Variants in DBN1 observed in about 807,000 individuals in gnomAD.
DBN1 encodes the protein drebrin.
A neutral mutation model predicts 83.5 loss-of-function variants in DBN1; 21 were observed. That is an observed-to-expected ratio of 0.25 (90% CI 0.18 to 0.36). The LOEUF (loss-of-function observed/expected upper bound fraction) is 0.36, where lower values mean the gene tolerates loss of function less well. Ranked by LOEUF, DBN1 falls within the 10% of genes least tolerant of loss-of-function variation. The pLI, the probability that DBN1 is intolerant of heterozygous loss-of-function variation, is 1.00. For missense variants in DBN1, 874 were observed against 935.7 expected (o/e 0.93, Z 0.86); for synonymous variants, 381 against 384.9 (o/e 0.99, Z 0.12).
chr5:177,464,891 A>C (rs1581727066), intron 8 of DBN1, among the ~76,000 whole-genome samples: 1 of 152,056 alleles, frequency 6.6e-6, no homozygotes, highest in Non-Finnish European at 1.5e-5. Flanking sequence ...GCAGTGGCTC[A>C]CGCCTGTAAT....
rs59829467 is a variant in DBN1 at position 177,466,448 on chromosome 5, C to CA, written c.771+323dup. ...CGCCTGCCTCACTCCTGTGGCCCCT[C>CA]AGAGTGCAGAACAGTGTCTAATCGC... is the stretch of plus-strand genomic sequence containing the variant. On this transcript the variant is annotated intron_variant, in intron 8 of 14. Coordinates refer to ENST00000393565, the MANE Select transcript of DBN1 (RefSeq NM_001363541.2). This position sits in a 1 kb window ranked among gnomAD's most constrained non-coding sequence, Gnocchi z 4.8. Among the ~76,000 whole-genome samples, 2,157 of 152,324 alleles carry CA rather than the reference C, an allele frequency of 0.014. 49 individuals carry two copies. The highest frequency in any genetic ancestry group is 0.05 in the African/African-American group (2,061 of 41,568).
chr5:177,472,206 G>A (rs1050837883), intron 1 of DBN1: 4 of 1,613,750 alleles, frequency 2.5e-6, no homozygotes, highest in Middle Eastern at 3.3e-4. Context: ...TGGATGCCCA[G>A]CCATCTCATC....
chr5:177,466,895 G>A lies in DBN1; in HGVS notation c.707+16C>T, dbSNP rs373629338. On this transcript the variant is annotated intron_variant, in intron 7 of 14. Coordinates refer to ENST00000393565, the MANE Select transcript of DBN1 (RefSeq NM_001363541.2). The surrounding 1 kb of genome is among the most constrained non-coding windows in gnomAD (Gnocchi z 4.8). ...CGCCCGGGGGCCCCTGGAGCGCTCC[G>A]GGCGGGCAGGCTCACCTGTGCTCCT... The A allele has an allele frequency of 7.8e-5, 126 of 1,613,100 alleles. No individual in the cohort carries two copies. Among genetic ancestry groups the A allele is most frequent in the Non-Finnish European group, 9.6e-5 (113 of 1,179,754 alleles).
At position 177,457,667 on chromosome 5, in the gene DBN1, T is replaced by A. The variant is rs761764159; in HGVS notation, c.2005A>T (p.Asn669Tyr). 21 of 1,601,942 alleles carry A rather than the reference T, an allele frequency of 1.3e-5. No individual in the cohort carries two copies. The highest frequency in any genetic ancestry group is 1.8e-5 in the Non-Finnish European group (21 of 1,169,964). ...AGCCCAGTACTACCTGGAGGCTTGTTGTAGAACACAGGAGGCGGAGCCTTG... is the reference window on the plus strand; with the variant it reads ...AGCCCAGTACTACCTGGAGGCTTGTAGTAGAACACAGGAGGCGGAGCCTTG... ...CAKAPPPVFYNKPPEIDITCW... is the reference protein window; with the variant it reads ...CAKAPPPVFYYKPPEIDITCW... The change falls in exon 14 of 15, where the codon AAC (asparagine) becomes TAC (tyrosine). Residue 669 changes from asparagine (N) to tyrosine (Y), a missense_variant. Coordinates refer to ENST00000393565, the MANE Select transcript of DBN1 (RefSeq NM_001363541.2).
At chr5:177,471,011 CT>C (rs1479995525) in intron 1 of DBN1, among the ~76,000 whole-genome samples, 2 of 152,216 alleles carry the variant, frequency 1.3e-5, no homozygotes, top group African/African-American at 4.8e-5. Context: ...TCTCTGGGTC[CT>C]GGGGTCCAGC....
At chr5:177,469,650 C>G (rs559355216) in intron 1 of DBN1, among the ~76,000 whole-genome samples, 15 of 152,332 alleles carry the variant, frequency 9.8e-5, no homozygotes, top group African/African-American at 3.6e-4. Context: ...TAACAGAAAG[C>G]TGACCTGGTG....
intron 2 of DBN1, chr5:177,468,478 C>A (rs1479955939): frequency 3.6e-6 from 2 of 553,704 alleles, no homozygotes; most frequent in Non-Finnish European, 6.4e-6. Flanking sequence ...ACACTCAGGT[C>A]TCATTCTTCA....
Position 177,467,274 on chromosome 5 carries a change from T to C in DBN1, c.536A>G (p.Gln179Arg), listed in dbSNP as rs1322008021. The C allele has an allele frequency of 2.8e-5, 46 of 1,614,142 alleles. No individual in the cohort carries two copies. The highest frequency in any genetic ancestry group is 3.6e-5 in the Non-Finnish European group (43 of 1,179,988). Residue 179 changes from glutamine to arginine, a missense_variant, in exon 6 of 15, where the codon CAG (glutamine) becomes CGG (arginine). By Grantham distance (43) the Gln-to-Arg change is conservative. Transcript: ENST00000393565. This position sits in a 1 kb window ranked among gnomAD's most constrained non-coding sequence, Gnocchi z 9.1. ...AVEMKRINRE[Q>R]FWEQAKKEEE... is the part of the protein sequence containing the mutation. ...CCATACCTTGGCCTGCTCCCAGAAC[T>C]GCTCTCGGTTAATCCGCTTCATTTC...
At chr5:177,465,252 AAAG>A (rs1377749772) in intron 8 of DBN1, among the ~76,000 whole-genome samples, 7 of 152,262 alleles carry the variant, frequency 4.6e-5, no homozygotes, top group African/African-American at 9.6e-5. Flanking sequence ...CAGCCTTCAA[AAAG>A]AAGGAAATTC....
At chr5:177,463,186 G>A (rs914046502) in intron 8 of DBN1, among the ~76,000 whole-genome samples, 10 of 152,088 alleles carry the variant, frequency 6.6e-5, no homozygotes, top group African/African-American at 1.2e-4. Context: ...ACAGGCGCCC[G>A]CCACCACGCT....
Position 177,459,128 on chromosome 5 carries a change from G to A in DBN1, c.1234C>T (p.Pro412Ser), listed in dbSNP as rs751259597. ...LDEVTSSQPP[P>S]LPPPPPPAQE... ...GCTGGTGGGGGTGGCGGTGGCAGTGGTGGAGGCTGCGAGGAGGTGACCTCA... is the reference window on the plus strand; with the variant it reads ...GCTGGTGGGGGTGGCGGTGGCAGTGATGGAGGCTGCGAGGAGGTGACCTCA... The change falls in exon 12 of 15, where the codon CCA becomes TCA. Residue 412 changes from proline (P) to serine (S), a missense_variant. Around this residue, in one of 4 missense-constraint regions of DBN1, gnomAD observed 725 missense variants for 719.7 expected, o/e 1.01. Coordinates refer to ENST00000393565, the MANE Select transcript of DBN1 (RefSeq NM_001363541.2). The A allele has an allele frequency of 6.2e-7, 1 of 1,611,134 alleles. No individual in the cohort carries two copies. Among genetic ancestry groups the A allele is most frequent in the Non-Finnish European group, 8.5e-7 (1 of 1,178,770 alleles).
rs1391794171 is a variant in DBN1 at position 177,467,528 on chromosome 5, C to A, written c.430G>T (p.Val144Leu). 2.5e-6 allele frequency: 4 copies of A among 1,570,690 alleles called. No homozygotes were observed. Among genetic ancestry groups the A allele is most frequent in the Non-Finnish European group, 3.5e-6 (4 of 1,158,018 alleles). The change falls in exon 5 of 15, where the codon GTG becomes TTG. Residue 144 changes from valine (V) to leucine (L), a missense_variant. Physicochemically the swap from Val to Leu is conservative, Grantham distance 32. Transcript: ENST00000393565. This position sits in a 1 kb window ranked among gnomAD's most constrained non-coding sequence, Gnocchi z 9.1. ...SNGLARLSSP[V>L]LHRLRLREDE... ...TCTCGCAGCCGCAGTCGGTGCAGCA[C>A]AGGGCTGGAGAGTCGCGCCAGCCCG...
rs749173170 is a variant in DBN1 at position 177,459,150 on chromosome 5, C to T, written c.1212G>A (p.Glu404=). 8.1e-6 allele frequency: 13 copies of T among 1,611,082 alleles called. No individual in the cohort carries two copies. The highest frequency in any genetic ancestry group is 8.0e-5 in the African/African-American group (6 of 74,768). Residue 404 remains glutamate, a synonymous_variant, in exon 12 of 15, where the codon GAG becomes GAA. Transcript: ENST00000393565. The stretch of plus-strand genomic sequence containing the variant: ...GTGGTGGAGGCTGCGAGGAGGTGAC[C>T]TCATCCAGGGCCCGCTCTATCTGCT... ...VAEQIERALD[E]VTSSQPPPLP...
rs550864899 is a variant in DBN1 at position 177,467,670 on chromosome 5, C to G, written c.331-43G>C. 7.7e-6 allele frequency: 12 copies of G among 1,560,082 alleles called. No individual in the cohort carries two copies. Among genetic ancestry groups the G allele is most frequent in the African/African-American group, 1.4e-5 (1 of 73,712 alleles). On this transcript the variant is annotated intron_variant, in intron 4 of 14. Coordinates refer to ENST00000393565, the MANE Select transcript of DBN1 (RefSeq NM_001363541.2). The surrounding 1 kb of genome is among the most constrained non-coding windows in gnomAD (Gnocchi z 9.1). ...CAGTGCTCAGGCGGCACCATCCTCC[C>G]GCCATCCCCACCCCAGCACGCAGAC...
intron 12 of DBN1, among the ~76,000 whole-genome samples, 184 bp from the exon 13 acceptor site, chr5:177,458,891 T>A (rs1756781651): frequency 6.6e-6 from 1 of 152,148 alleles, no homozygotes; most frequent in African/African-American, 2.4e-5. Flanking sequence ...CAAGGCCCGA[T>A]TCCCACTTGA....
At position 177,458,114 on chromosome 5, in the gene DBN1, C is replaced by G. The variant is rs568033644; in HGVS notation, c.1858G>C (p.Glu620Gln). The G allele has an allele frequency of 6.2e-6, 10 of 1,613,718 alleles. No homozygotes were observed. The East Asian group carries it at 2.2e-4, about 36-fold the overall frequency. Residue 620 changes from glutamate (E) to glutamine (Q), a missense_variant, in exon 13 of 15, where the codon GAG becomes CAG. Glu to Gln is a conservative substitution (Grantham distance 29, BLOSUM62 2). Coordinates refer to ENST00000393565, the MANE Select transcript of DBN1 (RefSeq NM_001363541.2). ...SALEELEQEQEPEPHLLTNGE... is the reference protein window; with the variant it reads ...SALEELEQEQQPEPHLLTNGE... ...TTGGTTAGCAGGTGGGGCTCCGGCTCCTGCTCTTGCTCCAGCTCCTCAAGG... is the reference window on the plus strand; with the variant it reads ...TTGGTTAGCAGGTGGGGCTCCGGCTGCTGCTCTTGCTCCAGCTCCTCAAGG...
At chr5:177,465,453 A>T (rs1009922441) in intron 8 of DBN1, among the ~76,000 whole-genome samples, 1 of 152,246 alleles carries the variant, frequency 6.6e-6, no homozygotes, top group African/African-American at 2.4e-5. Context: ...ATTTGTGTTT[A>T]ATGGATGGTG....
At position 177,457,820 on chromosome 5, in the gene DBN1, C is replaced by T. The variant is rs779471249; in HGVS notation, c.1915-63G>A. ...GCAGGACTGGGGCTGACCTATCAGGCCTGAGCCCGTTTCCCCAGCAACCAA... is the reference window on the plus strand; with the variant it reads ...GCAGGACTGGGGCTGACCTATCAGGTCTGAGCCCGTTTCCCCAGCAACCAA... On this transcript the variant is annotated intron_variant, in intron 13 of 14. Coordinates refer to ENST00000393565, the MANE Select transcript of DBN1 (RefSeq NM_001363541.2). 43 of 1,200,848 alleles carry T rather than the reference C, an allele frequency of 3.6e-5. No individual in the cohort carries two copies. The African/African-American group carries it at 6.0e-4, about 17-fold the overall frequency. The allele number at this position is 1,200,848 out of a possible 1,614,324, so 74.4% of individuals were successfully genotyped here.
At chr5:177,458,816 C>G (rs1756775180) in intron 12 of DBN1, 109 bp from the exon 13 acceptor site, 1 of 1,168,692 alleles carries the variant, frequency 8.6e-7, no homozygotes, top group Non-Finnish European at 1.2e-6. Flanking sequence ...ATGCAGGTGT[C>G]CCACTGCCCC....
Sources: allele counts gnomAD v4.1 joint callset (sites outside exome capture counted in the v4.1 genomes callset), GRCh38; gene constraint gnomAD v4.1.1; regional missense constraint gnomAD v4.1.1; non-coding constraint Gnocchi (gnomAD v3.1); transcripts MANE v1.5; gene names NCBI Gene and HGNC (gene_info 2026-07-23, HGNC 2026-07-21).